Variants in GRIN2B observed in about 807,000 individuals in gnomAD.
The protein encoded by GRIN2B is glutamate receptor ionotropic, NMDA 2B.
In GRIN2B, 5 loss-of-function variants were observed where a neutral mutation model predicts 114.5. The observed-to-expected ratio is 0.04, with a 90% confidence interval of 0.02 to 0.09. GRIN2B has a LOEUF of 0.09. GRIN2B is among the 10% of genes least tolerant of loss of function. The pLI is 1.00. For missense variants in GRIN2B, 1,108 were observed against 1,943.5 expected (o/e 0.57, Z 8.08); for synonymous variants, 787 against 745.1 (o/e 1.06, Z -0.92).
intron 4 of GRIN2B, among the ~76,000 whole-genome samples, chr12:13,743,777 G>A (rs1299522785): frequency 6.6e-6 from 1 of 152,096 alleles, no homozygotes; most frequent in Admixed American, 6.5e-5. Flanking sequence ...AAGATTATCT[G>A]TATGAAAATC....
intron 3 of GRIN2B, among the ~76,000 whole-genome samples, chr12:13,802,115 G>A (rs1016606563): frequency 6.6e-6 from 1 of 152,054 alleles, no homozygotes; most frequent in African/African-American, 2.4e-5. Context: ...ATAAACAAAT[G>A]TGAACAAAGA....
chr12:13,735,849 TGGA>T (rs1863168570), intron 4 of GRIN2B, among the ~76,000 whole-genome samples: 1 of 151,970 alleles, frequency 6.6e-6, no homozygotes, highest in Non-Finnish European at 1.5e-5. Flanking sequence ...CAACCGAGTG[TGGA>T]GAAGTAGGAT....
At chr12:13,568,972 G>C (rs1948674119) in intron 12 of GRIN2B, among the ~76,000 whole-genome samples, 2 of 152,180 alleles carry the variant, frequency 1.3e-5, no homozygotes, top group South Asian at 4.1e-4. Flanking sequence ...TGGGAGAGCA[G>C]GAAGAATGAA....
rs1459008440 is a variant in GRIN2B, at chr12:13,542,887, A to T, written c.*19896T>A. On this transcript the variant is annotated 3_prime_UTR_variant, in exon 14 of 14. Transcript: ENST00000609686. ...GAGCATTTCCACTTGCACCTTCCTC[A>T]TGCCCTGGGGCCTGGAGGTGGAGAT... is the stretch of plus-strand genomic sequence containing the variant. The T allele has an allele frequency of 1.3e-5, 2 of 152,152 alleles. No homozygotes were observed. The highest frequency in any genetic ancestry group is 2.9e-5 in the Non-Finnish European group (2 of 68,050). 9.4% of individuals were successfully genotyped at this position (152,152 alleles called of 1,614,324 possible). A position where few individuals can be genotyped will look rare whatever the true frequency, so the allele number is the denominator to read the frequency against.
chr12:13,831,093 C>G lies in GRIN2B; in HGVS notation c.411+34705G>C, dbSNP rs1374644731. 2.0e-5 allele frequency among the ~76,000 whole-genome samples: 3 copies of G among 152,136 alleles called. No homozygotes were observed. The East Asian group carries it at 5.8e-4, about 29-fold the overall frequency. On this transcript the variant is annotated intron_variant, in intron 3 of 13. Coordinates refer to ENST00000609686, the MANE Select transcript of GRIN2B (RefSeq NM_000834.5). ...CAGGTTGTTAAAAAGAGTCTTGCAC[C>G]TTCCTGCTTCCGCTCTCCCACCTCG...
At chr12:13,665,822 G>C (rs1949968296) in intron 5 of GRIN2B, among the ~76,000 whole-genome samples, 1 of 152,070 alleles carries the variant, frequency 6.6e-6, no homozygotes, top group Non-Finnish European at 1.5e-5. Flanking sequence ...TCATTTATAT[G>C]TCTTTCCCAG....
At chr12:13,748,158 C>G (rs1340908392) in intron 4 of GRIN2B, among the ~76,000 whole-genome samples, 1 of 152,110 alleles carries the variant, frequency 6.6e-6, no homozygotes, top group Admixed American at 6.5e-5. Flanking sequence ...AAGGAGGAAA[C>G]AAATGTTGAG....
At chr12:13,840,029 A>C (rs1225639408) in intron 3 of GRIN2B, among the ~76,000 whole-genome samples, 4 of 152,174 alleles carry the variant, frequency 2.6e-5, no homozygotes. Flanking sequence ...CTAGAAGGAG[A>C]ACAAGTGAGT....
chr12:13,766,880 T>C (rs1362430746), intron 3 of GRIN2B, among the ~76,000 whole-genome samples: 1 of 152,204 alleles, frequency 6.6e-6, no homozygotes, highest in Non-Finnish European at 1.5e-5. Context: ...TACACACTGG[T>C]CAGGAAATCA....
intron 4 of GRIN2B, among the ~76,000 whole-genome samples, chr12:13,691,805 A>G (rs550897875): frequency 6.6e-4 from 100 of 152,322 alleles, no homozygotes; most frequent in African/African-American, 2.3e-3. Flanking sequence ...ACCACATTAC[A>G]TGTACAGAGA....
chr12:13,728,019 G>A (rs919268071), intron 4 of GRIN2B, among the ~76,000 whole-genome samples: 3 of 152,148 alleles, frequency 2.0e-5, no homozygotes, highest in Admixed American at 6.5e-5. Context: ...GATCACATGT[G>A]GTATTTTGGC....
At position 13,821,058 on chromosome 12, in the gene GRIN2B, C is replaced by A. The variant is rs141975754; in HGVS notation, c.411+44740G>T. On this transcript the variant is annotated intron_variant, in intron 3 of 13. Coordinates refer to ENST00000609686, the MANE Select transcript of GRIN2B (RefSeq NM_000834.5). ...AAAGTTTGCCCCAGTTACCGAGAAC[C>A]ACTCGATGTGCCTAAAATACCCCCT... Among the ~76,000 whole-genome samples the A allele has an allele frequency of 1.7e-3, 257 of 152,114 alleles. 1 individual carries two copies. The highest frequency in any genetic ancestry group is 6.1e-3 in the African/African-American group (253 of 41,494).
chr12:13,710,269 A>G (rs1291838223), intron 4 of GRIN2B, among the ~76,000 whole-genome samples: 1 of 152,106 alleles, frequency 6.6e-6, no homozygotes, highest in East Asian at 1.9e-4. Flanking sequence ...CACAGCCAAT[A>G]TCTTACTGAA....
intron 3 of GRIN2B, among the ~76,000 whole-genome samples, chr12:13,848,459 C>T (rs571887919): frequency 2.0e-5 from 3 of 151,720 alleles, no homozygotes; most frequent in East Asian, 1.9e-4. Context: ...AGGCAAAGGG[C>T]AGAAAAAAGG....
At chr12:13,766,270 T>C (rs1863786606) in intron 3 of GRIN2B, among the ~76,000 whole-genome samples, 1 of 152,228 alleles carries the variant, frequency 6.6e-6, no homozygotes, top group South Asian at 2.1e-4. Context: ...ACGATGTTCC[T>C]TAAATGCCAT....
In GRIN2B at chr12:13,563,777, A is replaced by G. The variant is rs1321619967; in HGVS notation, c.3461T>C (p.Ile1154Thr). 1.9e-6 allele frequency: 3 copies of G among 1,613,880 alleles called. No individual in the cohort carries two copies. The highest frequency in any genetic ancestry group is 2.5e-6 in the Non-Finnish European group (3 of 1,180,022). Residue 1154 changes from isoleucine (I) to threonine (T), a missense_variant, in exon 14 of 14, where the codon ATC becomes ACC. This residue lies in a region of GRIN2B where 478 missense variants were observed against 506.0 expected (regional missense o/e 0.94). Coordinates refer to ENST00000609686, the MANE Select transcript of GRIN2B (RefSeq NM_000834.5). Reference sequence around the variant, plus strand: ...AAAGTCATCACTCCGCTCCTTGTAGATGTCGGTCAGGTCTACGTGCTCCCA... The same window carrying G: ...AAAGTCATCACTCCGCTCCTTGTAGGTGTCGGTCAGGTCTACGTGCTCCCA... Reference protein sequence around the residue: ...PHWEHVDLTDIYKERSDDFKR... With the variant: ...PHWEHVDLTDTYKERSDDFKR...
At position 13,888,992 on chromosome 12, in the gene GRIN2B, CTTT is replaced by C. The variant is rs1232261265; in HGVS notation, c.-18-22769_-18-22767del. On this transcript the variant is annotated intron_variant, in intron 2 of 13. Transcript: ENST00000609686. ...TCAGTAATAAATTAGCTTACTATAACTTTTTTACTTTATAAACTTCTAAAATTG... is the reference window on the plus strand; with the variant it reads ...TCAGTAATAAATTAGCTTACTATAACTTTACTTTATAAACTTCTAAAATTG... 3.3e-5 allele frequency among the ~76,000 whole-genome samples: 5 copies of C among 152,178 alleles called. No individual in the cohort carries two copies. In the South Asian group the frequency reaches 8.3e-4, roughly 25 times the overall value.
intron 4 of GRIN2B, among the ~76,000 whole-genome samples, chr12:13,749,611 G>T (rs866883352): frequency 7.2e-5 from 11 of 152,316 alleles, no homozygotes; most frequent in Middle Eastern, 3.4e-3. Flanking sequence ...GTGGCTAAAT[G>T]GTGTGGCTGC....
intron 10 of GRIN2B, among the ~76,000 whole-genome samples, chr12:13,585,545 A>G (rs1023503725): frequency 6.6e-6 from 1 of 152,224 alleles, no homozygotes; most frequent in Non-Finnish European, 1.5e-5. Flanking sequence ...CGCACACTGC[A>G]TGCCCCTCGG....
Sources: allele counts gnomAD v4.1 joint callset (sites outside exome capture counted in the v4.1 genomes callset), GRCh38; gene constraint gnomAD v4.1.1; regional missense constraint gnomAD v4.1.1; transcripts MANE v1.5; gene names NCBI Gene and HGNC (gene_info 2026-07-23, HGNC 2026-07-21).